XPO6: variants seen among roughly 807,000 people sequenced by gnomAD.
XPO6 encodes exportin-6.
XPO6 carries 3 observed loss-of-function variants against 130.0 expected under a neutral mutation model. The ratio of observed to expected loss-of-function variants is 0.02; its 90% CI spans 0.01 to 0.06. The LOEUF is 0.06. Ranked by LOEUF, XPO6 falls within the 10% of genes least tolerant of loss-of-function variation. The pLI, the probability that XPO6 is intolerant of heterozygous loss-of-function variation, is 1.00. For synonymous variants in XPO6, 524 were observed against 548.9 expected, an observed-to-expected ratio of 0.95 and a Z score of 0.63; for missense variants, 970 against 1,393.0, an observed-to-expected ratio of 0.70 and a Z score of 4.83.
intron 15 of XPO6, chr16:28,117,109 T>C (rs747068990): frequency 1.4e-4 from 80 of 565,726 alleles, no homozygotes; most frequent in Middle Eastern, 5.0e-4. Flanking sequence ...TGTATTCATG[T>C]GGAACTCAGA....
chr16:28,119,046 C>T (rs527447764), intron 14 of XPO6, among the ~76,000 whole-genome samples: 1 of 152,264 alleles, frequency 6.6e-6, no homozygotes, highest in African/African-American at 2.4e-5. Flanking sequence ...AACAGGGTCT[C>T]GCTCTGTTGC....
rs749074049 is a variant in XPO6, at chr16:28,104,633, G to A, written c.2859C>T (p.Phe953=). The A allele has an allele frequency of 1.4e-5, 22 of 1,614,210 alleles. No homozygotes were observed. Among genetic ancestry groups the A allele is most frequent in the Non-Finnish European group, 1.8e-5 (21 of 1,180,038 alleles). Residue 953 remains phenylalanine (F), a synonymous_variant, in exon 21 of 24, where the codon TTC becomes TTT. Transcript: ENST00000304658. ...FRTLHHNWRY[F]FKSTVLASVQ... is the part of the protein sequence containing the mutation. ...CACTGGCCAGCACGGTGGACTTGAA[G>A]AAGTACCTCCAGTTGTGATGGAGCG...
At chr16:28,204,730 A>G (rs1319466593) in intron 1 of XPO6, among the ~76,000 whole-genome samples, 3 of 152,130 alleles carry the variant, frequency 2.0e-5, no homozygotes, top group Non-Finnish European at 4.4e-5. Flanking sequence ...CAGGAGGAAA[A>G]CCAAGAACAC....
At chr16:28,103,549 G>A (rs1438276662) in intron 21 of XPO6, among the ~76,000 whole-genome samples, 1 of 152,216 alleles carries the variant, frequency 6.6e-6, no homozygotes, top group Admixed American at 6.5e-5. Flanking sequence ...AACTTTAAAA[G>A]AAACTGCCAA....
intron 1 of XPO6, among the ~76,000 whole-genome samples, chr16:28,190,901 A>AAAT (rs57547500): frequency 1 from 151,754 of 152,354 alleles, 75,587 homozygotes; most frequent in Middle Eastern, 1. Context: ...GGGAACGTGC[A>AAAT]AATAACGTTA....
chr16:28,164,319 C>A (rs1386762419), intron 6 of XPO6, among the ~76,000 whole-genome samples: 1 of 152,190 alleles, frequency 6.6e-6, no homozygotes, highest in South Asian at 2.1e-4. Context: ...TACTGCTTAA[C>A]TTGGCATCTT....
intron 6 of XPO6, among the ~76,000 whole-genome samples, chr16:28,165,943 C>A (rs927069245): frequency 2.6e-5 from 4 of 152,214 alleles, no homozygotes; most frequent in Admixed American, 6.5e-5. Context: ...ATTAACATAA[C>A]TGTGGACAAT....
At chr16:28,201,389 T>G (rs556821559) in intron 1 of XPO6, among the ~76,000 whole-genome samples, 9 of 152,302 alleles carry the variant, frequency 5.9e-5, no homozygotes, top group South Asian at 2.1e-4. Flanking sequence ...GAATGCTTAC[T>G]AGGCACTAAA....
intron 23 of XPO6, among the ~76,000 whole-genome samples, chr16:28,099,770 T>C (rs1321663749): frequency 2.0e-5 from 3 of 152,210 alleles, no homozygotes; most frequent in Admixed American, 2.0e-4. Context: ...CTGGGACTGG[T>C]GCCCCAGTTC....
intron 5 of XPO6, among the ~76,000 whole-genome samples, chr16:28,167,488 C>T (rs1448689607): frequency 2.0e-5 from 3 of 152,182 alleles, no homozygotes; most frequent in Non-Finnish European, 4.4e-5. Context: ...ACCTGCTCTC[C>T]TCCTCCCAAT....
chr16:28,203,275 CAA>C (rs1217549078), intron 1 of XPO6, among the ~76,000 whole-genome samples: 28 of 76,180 alleles, frequency 3.7e-4, no homozygotes, highest in Non-Finnish European at 3.0e-4. Flanking sequence ...GACCCCATCT[CAA>C]AAAAAAAAAA....
At position 28,101,955 on chromosome 16, in the gene XPO6, G is replaced by T. The variant is rs1326188778; in HGVS notation, c.2947-10C>A. ...AGGACTGTCCGAAAGCCTAGGAAATGAGACCACCATTTTATAAACTGCAAG... is the reference window on the plus strand; with the variant it reads ...AGGACTGTCCGAAAGCCTAGGAAATTAGACCACCATTTTATAAACTGCAAG... On this transcript the variant is annotated splice_polypyrimidine_tract_variant and intron_variant, in intron 21 of 23. Coordinates refer to ENST00000304658, the MANE Select transcript of XPO6 (RefSeq NM_015171.4). The surrounding 1 kb of genome is among the most constrained non-coding windows in gnomAD (Gnocchi z 5.4). 1.9e-6 allele frequency: 3 copies of T among 1,611,250 alleles called. 1 individual carries two copies. In the South Asian group the frequency reaches 3.3e-5, roughly 18 times the overall value.
At chr16:28,166,788 T>C (rs978464605) in intron 5 of XPO6, 2 of 985,340 alleles carry the variant, frequency 2.0e-6, no homozygotes, top group Non-Finnish European at 2.4e-6. Context: ...TGTGGCCTTG[T>C]GGTGTGGCCT....
chr16:28,180,092 C>T (rs750005822), intron 2 of XPO6, among the ~76,000 whole-genome samples: 2 of 152,170 alleles, frequency 1.3e-5, no homozygotes, highest in Non-Finnish European at 2.9e-5. Flanking sequence ...AATGGCCAGG[C>T]ACGGTGGCTC....
At chr16:28,177,398 A>T in intron 2 of XPO6, 66 bp from the exon 3 acceptor site, 1 of 884,726 alleles carries the variant, frequency 1.1e-6, no homozygotes, top group South Asian at 1.5e-5. Context: ...AGACTGGGCT[A>T]TCTTATTATT....
intron 9 of XPO6, among the ~76,000 whole-genome samples, chr16:28,144,079 A>G (rs1011508611): frequency 6.6e-6 from 1 of 152,254 alleles, no homozygotes; most frequent in African/African-American, 2.4e-5. Flanking sequence ...ATGCCTATTT[A>G]GCATGCAAGA....
chr16:28,179,595 G>A (rs115092744), intron 2 of XPO6, among the ~76,000 whole-genome samples: 269 of 152,234 alleles, frequency 1.8e-3, no homozygotes, highest in African/African-American at 6.3e-3. Context: ...ACATGGTCTC[G>A]AGGTCCCTGC....
intron 2 of XPO6, among the ~76,000 whole-genome samples, chr16:28,178,771 A>C (rs1408805746): frequency 6.0e-5 from 9 of 150,322 alleles, no homozygotes; most frequent in Middle Eastern, 3.2e-3. Context: ...AAACAAAAAA[A>C]AAAAAACAAA....
chr16:28,104,799 G>T, intron 20 of XPO6, 92 bp from the exon 21 acceptor site: 1 of 1,434,920 alleles, frequency 7.0e-7, no homozygotes, highest in Non-Finnish European at 9.5e-7. Flanking sequence ...GACGCCTCGT[G>T]ACAGCAAGCC....
Sources: allele counts gnomAD v4.1 joint callset (sites outside exome capture counted in the v4.1 genomes callset), GRCh38; gene constraint gnomAD v4.1.1; non-coding constraint Gnocchi (gnomAD v3.1); transcripts MANE v1.5; gene names NCBI Gene and HGNC (gene_info 2026-07-23, HGNC 2026-07-21).